Variants in LGSN observed in about 807,000 individuals in gnomAD.
LGSN encodes lengsin, lens protein with glutamine synthetase domain, also known as lengsin.
In LGSN, 21 loss-of-function variants were observed where a neutral mutation model predicts 19.5. The observed-to-expected ratio is 1.07, with a 90% CI of 0.76 to 1.55. The LOEUF is 1.55. Among genes scored for constraint, LGSN ranks in the 40% most tolerant of loss-of-function variants. The pLI is 0.00. For synonymous variants in LGSN, 257 were observed against 215.6 expected (o/e 1.19, Z -1.68); for missense variants, 673 against 608.5 (o/e 1.11, Z -1.12).
At chr6:63,295,347 TTTATA>T (rs1305761126) in intron 1 of LGSN, among the ~76,000 whole-genome samples, 1 of 152,152 alleles carries the variant, frequency 6.6e-6, no homozygotes, top group Non-Finnish European at 1.5e-5. Context: ...CTTTGGGAAT[TTTATA>T]TTATTTATTC....
At chr6:63,381,532 C>T in the LGSN span, among the ~76,000 whole-genome samples, 178 of 152,322 alleles carry the variant, frequency 1.2e-3, no homozygotes, top group Non-Finnish European at 2.2e-3. Context: ...GCTAGCATTT[C>T]CTTCATAAAA....
chr6:63,417,866 G>C, the LGSN span, among the ~76,000 whole-genome samples: 1 of 152,144 alleles, frequency 6.6e-6, no homozygotes, highest in African/African-American at 2.4e-5. Flanking sequence ...TAGAACTGAA[G>C]ATTAATGATA....
chr6:63,505,605 GAAAGAAAGAAAGAAAGAAAGA>G, the LGSN span, among the ~76,000 whole-genome samples: 6 of 114,026 alleles, frequency 5.3e-5, 1 homozygote, highest in Admixed American at 3.9e-4. Flanking sequence ...AAGAAAGAAA[GAAAGAAAGAAAGAAAGAAAGA>G]AAGAAAGAAA....
rs761823839 is a variant in LGSN, at chr6:63,279,992, T to C, written c.*29A>G. The C allele has an allele frequency of 3.4e-5, 51 of 1,518,270 alleles. No homozygotes were observed. In the East Asian group the frequency reaches 8.2e-4, roughly 24 times the overall value. 94.0% of individuals were successfully genotyped at this position (1,518,270 alleles called of 1,614,324 possible). On this transcript the variant is annotated 3_prime_UTR_variant, in exon 4 of 4. Transcript: ENST00000370657. The stretch of plus-strand genomic sequence containing the variant: ...AGATTAGCTTTAAGTAACAATTACA[T>C]GTCTAAAGGAGTAGTTGTGAGCTCT...
chr6:63,482,721 G>T, the LGSN span, among the ~76,000 whole-genome samples: 9 of 152,020 alleles, frequency 5.9e-5, no homozygotes, highest in Non-Finnish European at 8.8e-5. Context: ...TTTTTTTGGA[G>T]ACAGGATCTC....
chr6:63,300,075 C>A (rs891798759), intron 1 of LGSN, among the ~76,000 whole-genome samples: 1 of 152,134 alleles, frequency 6.6e-6, no homozygotes, highest in Non-Finnish European at 1.5e-5. Context: ...GGCCTGGAGA[C>A]GTGTATGTCC....
chr6:63,349,534 C>T, the LGSN span, among the ~76,000 whole-genome samples: 1 of 152,064 alleles, frequency 6.6e-6, no homozygotes, highest in African/African-American at 2.4e-5. Flanking sequence ...AATCACAAAC[C>T]CTTTAATCTG....
the LGSN span, among the ~76,000 whole-genome samples, chr6:63,452,561 G>GA: frequency 6.6e-6 from 1 of 151,634 alleles, no homozygotes; most frequent in African/African-American, 2.4e-5. Context: ...CAAATATATT[G>GA]AAAAAAATTC....
the LGSN span, among the ~76,000 whole-genome samples, chr6:63,436,957 A>C: frequency 6.6e-6 from 1 of 151,784 alleles, no homozygotes; most frequent in South Asian, 2.1e-4. Flanking sequence ...GAATCACTTG[A>C]ACCCAGGAGG....
At chr6:63,518,999 A>T in the LGSN span, among the ~76,000 whole-genome samples, 3 of 152,210 alleles carry the variant, frequency 2.0e-5, no homozygotes, top group Non-Finnish European at 4.4e-5. Flanking sequence ...AAGCATGTGC[A>T]TATTCACACT....
Position 63,294,921 on chromosome 6 carries a change from T to C in LGSN, c.155A>G (p.Asn52Ser), listed in dbSNP as rs533634642. 13 of 1,613,866 alleles carry C rather than the reference T, an allele frequency of 8.1e-6. No homozygotes were observed. In the African/African-American group the frequency reaches 1.1e-4, roughly 13 times the overall value. ...STEVGETDMS[N>S]SNDCMRDSSQ... ...TCAGAGTAGTTAGATACCATTTGAA[T>C]TGGACATATCCGTTTCTCCCACTTC... The change falls in exon 2 of 4, where the codon AAT becomes AGT. Residue 52 changes from asparagine to serine, a missense_variant. Physicochemically the swap from Asn to Ser is conservative, Grantham distance 46. Coordinates refer to ENST00000370657, the MANE Select transcript of LGSN (RefSeq NM_016571.3).
the LGSN span, among the ~76,000 whole-genome samples, chr6:63,557,075 T>C: frequency 6.6e-6 from 1 of 152,214 alleles, no homozygotes; most frequent in African/African-American, 2.4e-5. Flanking sequence ...CCAAGTACTG[T>C]GTTAAGCACA....
At chr6:63,310,518 A>G (rs1361256077) in intron 1 of LGSN, among the ~76,000 whole-genome samples, 1 of 152,138 alleles carries the variant, frequency 6.6e-6, no homozygotes, top group African/African-American at 2.4e-5. Flanking sequence ...ATATGAAGGT[A>G]TGTCAAAAAG....
chr6:63,506,578 A>G, the LGSN span, among the ~76,000 whole-genome samples: 5 of 152,090 alleles, frequency 3.3e-5, no homozygotes, highest in Non-Finnish European at 7.4e-5. Flanking sequence ...TGTTTTGTTG[A>G]TGACACAATT....
chr6:63,441,669 A>G, the LGSN span: 1 of 474,374 alleles, frequency 2.1e-6, no homozygotes, highest in South Asian at 1.7e-5. Flanking sequence ...CAGAGAAAGG[A>G]GTATGATGCC....
the LGSN span, among the ~76,000 whole-genome samples, chr6:63,389,615 C>G: frequency 1.3e-5 from 2 of 152,164 alleles, no homozygotes; most frequent in East Asian, 3.8e-4. Flanking sequence ...TCACTTAAAT[C>G]TTATCTGTAT....
the LGSN span, among the ~76,000 whole-genome samples, chr6:63,333,375 A>G: frequency 6.6e-6 from 1 of 151,544 alleles, no homozygotes; most frequent in African/African-American, 2.4e-5. Flanking sequence ...AATTCTCCCT[A>G]AGTTATTCTA....
At chr6:63,557,010 A>T in the LGSN span, among the ~76,000 whole-genome samples, 1 of 152,232 alleles carries the variant, frequency 6.6e-6, no homozygotes, top group Admixed American at 6.5e-5. Context: ...GAAATCAAGC[A>T]TGAAACAATT....
chr6:63,441,465 G>T, the LGSN span: 2 of 445,126 alleles, frequency 4.5e-6, no homozygotes, highest in South Asian at 3.9e-5. Flanking sequence ...GTGATTGCTT[G>T]GGTGAGAAGC....
Sources: gnomAD v4.1 joint callset for allele counts (sites outside exome capture counted in the v4.1 genomes callset) on GRCh38, gnomAD v4.1.1 for gene constraint, MANE v1.5 for transcripts, NCBI Gene and HGNC (gene_info 2026-07-23, HGNC 2026-07-21) for gene names.